ABHD12: variants seen among roughly 807,000 people sequenced by gnomAD.
The protein encoded by ABHD12 is abhydrolase domain containing 12, lysophospholipase, also known as lysophosphatidylserine lipase ABHD12.
In ABHD12, 43 loss-of-function variants were observed where a neutral mutation model predicts 58.3. The observed-to-expected ratio is 0.74, with a 90% confidence interval of 0.58 to 0.95. ABHD12 has a LOEUF of 0.95. Ranked by LOEUF, ABHD12 falls within the 40% of genes least tolerant of loss-of-function variation. The probability of loss-of-function intolerance (pLI) is 0.00; values close to 1 mark genes in which losing one functional copy is unlikely to be tolerated. For missense variants in ABHD12, 539 were observed against 537.2 expected (o/e 1.00, Z -0.03); for synonymous variants, 219 against 211.2 (o/e 1.04, Z -0.32).
chr20:25,337,715 A>C (rs1023886213), intron 2 of ABHD12, among the ~76,000 whole-genome samples: 6 of 152,212 alleles, frequency 3.9e-5, no homozygotes, highest in African/African-American at 1.4e-4. Context: ...AGGTCTGCTG[A>C]TGGTGAATCT....
At position 25,390,752 on chromosome 20, in the gene ABHD12, G is replaced by A. The variant is rs749692955; in HGVS notation, c.-49C>T. 7 of 1,218,310 alleles carry A rather than the reference G, an allele frequency of 5.7e-6. 1 individual carries two copies. Among genetic ancestry groups the A allele is most frequent in the Middle Eastern group, 3.3e-4 (1 of 3,076 alleles). 75.5% of individuals were successfully genotyped at this position (1,218,310 alleles called of 1,614,324 possible). ...CCGACGGCGCCCGCTGGCCTGCGCCGCAGTGCCGCCGCTCACAGCCGCCGC... is the reference window on the plus strand; with the variant it reads ...CCGACGGCGCCCGCTGGCCTGCGCCACAGTGCCGCCGCTCACAGCCGCCGC... On this transcript the variant is annotated 5_prime_UTR_variant, in exon 1 of 13. Coordinates refer to ENST00000339157, the MANE Select transcript of ABHD12 (RefSeq NM_001042472.3).
At chr20:25,314,547 C>T (rs978478517) in intron 6 of ABHD12, among the ~76,000 whole-genome samples, 2 of 151,972 alleles carry the variant, frequency 1.3e-5, no homozygotes, top group Admixed American at 6.6e-5. Flanking sequence ...GGTGTGGTGT[C>T]GCATTCCTGC....
At position 25,338,810 on chromosome 20, in the gene ABHD12, G is replaced by A. The variant is rs148698948; in HGVS notation, c.316+417C>T. On this transcript the variant is annotated intron_variant, in intron 2 of 12. Transcript: ENST00000339157. Reference sequence around the variant, plus strand: ...TTTTCCAAGGGCAGCTAGGCTCCTGGAATGCACAACTGACAAGGCATCTCC... The same window carrying A: ...TTTTCCAAGGGCAGCTAGGCTCCTGAAATGCACAACTGACAAGGCATCTCC... The A allele has an allele frequency of 5.3e-3, 5,312 of 1,006,012 alleles. 19 individuals carry two copies. Among genetic ancestry groups the A allele is most frequent in the Non-Finnish European group, 6.0e-3 (5,021 of 842,286 alleles). 62.3% of individuals were successfully genotyped at this position (1,006,012 alleles called of 1,614,324 possible).
intron 1 of ABHD12, among the ~76,000 whole-genome samples, chr20:25,389,598 G>C (rs1041089603): frequency 6.6e-5 from 10 of 152,178 alleles, no homozygotes. Flanking sequence ...CAGCAGATGG[G>C]AGGAGAAATC....
chr20:25,320,097 C>A, intron 4 of ABHD12, 102 bp downstream of exon 4: 2 of 1,537,678 alleles, frequency 1.3e-6, no homozygotes, highest in Non-Finnish European at 1.8e-6. Context: ...TTTGTGGGAC[C>A]GCAGGTTGCT....
intron 1 of ABHD12, among the ~76,000 whole-genome samples, chr20:25,380,447 T>C (rs1353967455): frequency 6.6e-6 from 1 of 152,136 alleles, no homozygotes; most frequent in Non-Finnish European, 1.5e-5. Context: ...ATATCTAATA[T>C]CACTGCTAAG....
chr20:25,317,185 A>T, intron 4 of ABHD12, 107 bp from the exon 5 acceptor site: 1 of 748,976 alleles, frequency 1.3e-6, no homozygotes, highest in Non-Finnish European at 2.4e-6. Flanking sequence ...GAAAGAGGGC[A>T]GAACCTCTTC....
At chr20:25,348,256 G>C (rs1200656919) in intron 1 of ABHD12, among the ~76,000 whole-genome samples, 1 of 151,516 alleles carries the variant, frequency 6.6e-6, no homozygotes, top group East Asian at 1.9e-4. Context: ...ACAAATACAA[G>C]AGCTAGTTCT....
chr20:25,377,992 G>A (rs572751350), intron 1 of ABHD12, among the ~76,000 whole-genome samples: 2 of 152,238 alleles, frequency 1.3e-5, no homozygotes, highest in East Asian at 1.9e-4. Context: ...CACCGCGTCC[G>A]GCCAGGTCCC....
intron 1 of ABHD12, among the ~76,000 whole-genome samples, chr20:25,342,857 G>T (rs2146043692): frequency 6.6e-6 from 1 of 152,224 alleles, no homozygotes; most frequent in African/African-American, 2.4e-5. Flanking sequence ...CAAAGGGTTG[G>T]GGTTATAGGT....
At chr20:25,363,593 A>AC (rs1396483123) in intron 1 of ABHD12, among the ~76,000 whole-genome samples, 1 of 152,092 alleles carries the variant, frequency 6.6e-6, no homozygotes, top group Non-Finnish European at 1.5e-5. Context: ...GGGGGCAGGC[A>AC]CGGTGGCTCA....
intron 10 of ABHD12, among the ~76,000 whole-genome samples, chr20:25,304,140 C>A (rs1045750060): frequency 1.3e-5 from 2 of 152,276 alleles, no homozygotes; most frequent in East Asian, 3.8e-4. Context: ...GGAGCCTGGG[C>A]TCTCCTGTGC....
At chr20:25,343,248 G>A (rs2089477997) in intron 1 of ABHD12, among the ~76,000 whole-genome samples, 1 of 152,230 alleles carries the variant, frequency 6.6e-6, no homozygotes, top group Non-Finnish European at 1.5e-5. Flanking sequence ...ACTGGGCCCA[G>A]ATGGGTTCAC....
chr20:25,335,261 C>T (rs1055861085), intron 2 of ABHD12, among the ~76,000 whole-genome samples: 4 of 152,094 alleles, frequency 2.6e-5, no homozygotes, highest in Non-Finnish European at 5.9e-5. Context: ...AATGAGATAC[C>T]ATTTCACACC....
At chr20:25,298,549 C>T (rs2088586620), downstream of ABHD12, among the ~76,000 whole-genome samples, 1 of 152,202 alleles carries the variant, frequency 6.6e-6, no homozygotes, top group South Asian at 2.1e-4. Context: ...ACCACTGTTC[C>T]TGGCCAAGCT....
At chr20:25,322,784 G>A (rs1010864354) in intron 3 of ABHD12, among the ~76,000 whole-genome samples, 4 of 151,452 alleles carry the variant, frequency 2.6e-5, no homozygotes, top group Admixed American at 1.3e-4. Flanking sequence ...GTGCAGTGGC[G>A]TGAACTCAGC....
intron 2 of ABHD12, among the ~76,000 whole-genome samples, chr20:25,323,709 G>A (rs559916802): frequency 2.1e-4 from 32 of 152,332 alleles, no homozygotes; most frequent in African/African-American, 7.7e-4. Context: ...GTGAGGGCAA[G>A]GTCTGTGTAG....
chr20:25,306,286 CTATGT>C (rs1262105196), intron 10 of ABHD12, among the ~76,000 whole-genome samples: 1 of 151,924 alleles, frequency 6.6e-6, no homozygotes, highest in Non-Finnish European at 1.5e-5. Flanking sequence ...TGGACAAAAA[CTATGT>C]TATTTTAATA....
chr20:25,369,680 G>T (rs2089872723), intron 1 of ABHD12, among the ~76,000 whole-genome samples: 1 of 152,214 alleles, frequency 6.6e-6, no homozygotes, highest in African/African-American at 2.4e-5. Context: ...CACTGATGTT[G>T]TGTCCACAGG....
Sources: allele counts gnomAD v4.1 joint callset (sites outside exome capture counted in the v4.1 genomes callset), GRCh38; gene constraint gnomAD v4.1.1; transcripts MANE v1.5; gene names NCBI Gene and HGNC (gene_info 2026-07-23, HGNC 2026-07-21).